Variants in LIPN observed in about 807,000 individuals in gnomAD.
The protein encoded by LIPN is lipase member N.
LIPN carries 32 observed loss-of-function variants against 43.7 expected under a neutral mutation model. The ratio of observed to expected loss-of-function variants is 0.73; its 90% CI spans 0.55 to 0.98. The LOEUF (loss-of-function observed/expected upper bound fraction) is 0.98. Ranked by LOEUF, LIPN falls within the 50% of genes least tolerant of loss-of-function variation. The pLI, the probability that LIPN is intolerant of heterozygous loss-of-function variation, is 0.00. For synonymous variants in LIPN, 156 were observed against 157.6 expected, an observed-to-expected ratio of 0.99 and a Z score of 0.08; for missense variants, 505 against 483.8, an observed-to-expected ratio of 1.04 and a Z score of -0.41.
Position 88,762,210 on chromosome 10 carries a change from G to C in LIPN, c.131G>C (p.Gly44Ala), listed in dbSNP as rs1375369840. 6 of 1,602,312 alleles carry C rather than the reference G, an allele frequency of 3.7e-6. No individual in the cohort carries two copies. The highest frequency in any genetic ancestry group is 1.3e-5 in the African/African-American group (1 of 74,638). ...CAGAGTGAAATCATCATCTACAATG[G>C]CTACCCCAGTGAAGAGTATGAAGTC... ...MNTSEIIIYN[G>A]YPSEEYEVTT... The change falls in exon 3 of 10, where the codon GGC (glycine) becomes GCC (alanine). Residue 44 changes from glycine (G) to alanine (A), a missense_variant. Physicochemically the swap from Gly to Ala is moderately conservative, Grantham distance 60 (BLOSUM62 0). Transcript: ENST00000404459.
At position 88,761,512 on chromosome 10, in the gene LIPN, C is replaced by T; in HGVS notation, c.107C>T (p.Thr36Ile). The T allele has an allele frequency of 6.3e-7, 1 of 1,599,274 alleles. No homozygotes were observed. Among genetic ancestry groups the T allele is most frequent in the Non-Finnish European group, 8.6e-7 (1 of 1,167,412 alleles). The change falls in exon 2 of 10, where the codon ACT (threonine) becomes ATT (isoleucine). Residue 36 changes from threonine (T) to isoleucine (I), a missense_variant and splice_region_variant. Thr to Ile is a moderately conservative substitution (Grantham distance 89). Transcript: ENST00000404459. ...NEVNPEVWMN[T>I]SEIIIYNGYP... ...GTGAATCCTGAGGTGTGGATGAATA[C>T]TGTAAGTCATGGAAAACTGTGAAGA...
intron 3 of LIPN, among the ~76,000 whole-genome samples, chr10:88,763,770 C>A (rs772638794): frequency 6.6e-6 from 1 of 151,976 alleles, no homozygotes; most frequent in Non-Finnish European, 1.5e-5. Flanking sequence ...GGACACTGAG[C>A]TGAGCATATT....
At chr10:88,760,146 A>G (rs1842974837) in intron 1 of LIPN, among the ~76,000 whole-genome samples, 40 bp downstream of exon 1, 1 of 152,114 alleles carries the variant, frequency 6.6e-6, no homozygotes, top group Non-Finnish European at 1.5e-5. Context: ...GCAGGTTGGA[A>G]GGTGCCAGTT....
intron 8 of LIPN, among the ~76,000 whole-genome samples, chr10:88,774,804 C>T (rs1379300146): frequency 1.3e-5 from 2 of 151,924 alleles, no homozygotes; most frequent in Non-Finnish European, 2.9e-5. Context: ...AAGAGGTAAA[C>T]TAGGGAAGCC....
rs1843099276 is a variant in LIPN at position 88,766,387 on chromosome 10, A to G, written c.535+9A>G. 6.7e-7 allele frequency: 1 copy of G among 1,488,818 alleles called. No homozygotes were observed. The highest frequency in any genetic ancestry group is 1.4e-5 in the African/African-American group (1 of 72,296). 92.2% of individuals were successfully genotyped at this position (1,488,818 alleles called of 1,614,324 possible). ...ACTTGGCACTACAATAGGTATGTTT[A>G]TGAGGGTCACTGTTAGGTGTGTTTT... is the stretch of plus-strand genomic sequence containing the variant. On this transcript the variant is annotated intron_variant, in intron 5 of 9. Transcript: ENST00000404459.
chr10:88,761,758 TC>T (rs1345842730), intron 2 of LIPN, among the ~76,000 whole-genome samples: 3,271 of 86,394 alleles, frequency 0.038, 51 homozygotes, highest in African/African-American at 0.11. Flanking sequence ...TATCTATCTA[TC>T]TATGTATCTA....
At chr10:88,775,070 T>A (rs750894146) in intron 8 of LIPN, 22 bp from the exon 9 acceptor site, 1 of 1,500,572 alleles carries the variant, frequency 6.7e-7, no homozygotes, top group South Asian at 1.2e-5. Context: ...ACTATTCTTT[T>A]TCTAAAAAAC....
At chr10:88,761,761 ATG>A (rs2134825086) in intron 2 of LIPN, among the ~76,000 whole-genome samples, 1 of 68,774 alleles carries the variant, frequency 1.5e-5, no homozygotes, top group Non-Finnish European at 2.6e-5. Context: ...CTATCTATCT[ATG>A]TATCTATCTA....
rs1564586827 is a variant in LIPN at position 88,778,150 on chromosome 10, C to T, written c.1105C>T (p.Pro369Ser). The change falls in exon 10 of 10, where the codon CCA (proline) becomes TCA (serine). Residue 369 changes from proline to serine, a missense_variant. By Grantham distance (74) the Pro-to-Ser change is moderately conservative. Coordinates refer to ENST00000404459, the MANE Select transcript of LIPN (RefSeq NM_001102469.2). ...GAGTCTTCATTACTTTAAGCTATTG[C>T]CAGATTGGAACCACTTTGATTTTGT... ...IKSLHYFKLL[P>S]DWNHFDFVWG... The T allele has an allele frequency of 1.9e-6, 3 of 1,613,356 alleles. No individual in the cohort carries two copies. The highest frequency in any genetic ancestry group is 2.7e-5 in the African/African-American group (2 of 74,900).
At chr10:88,766,162 C>T in intron 4 of LIPN, 107 bp from the exon 5 acceptor site, 1 of 664,704 alleles carries the variant, frequency 1.5e-6, no homozygotes, top group South Asian at 1.9e-5. Context: ...CACATTGAAT[C>T]TAAGTAAACA....
At position 88,774,477 on chromosome 10, in the gene LIPN, G is replaced by C. The variant is rs372693385; in HGVS notation, c.824G>C (p.Arg275Pro). 3 of 1,608,572 alleles carry C rather than the reference G, an allele frequency of 1.9e-6. No individual in the cohort carries two copies. Among genetic ancestry groups the C allele is most frequent in the Non-Finnish European group, 2.5e-6 (3 of 1,176,520 alleles). Residue 275 changes from arginine to proline, a missense_variant, in exon 8 of 10, where the codon CGA (arginine) becomes CCA (proline). Transcript: ENST00000404459. ...GSNKKNMNQS[R>P]MDVYMSHAPT... ...TATGAGTTTTATCTCCTTTAGAGTCGAATGGATGTGTATATGTCACATGCT... is the reference window on the plus strand; with the variant it reads ...TATGAGTTTTATCTCCTTTAGAGTCCAATGGATGTGTATATGTCACATGCT...
At chr10:88,765,441 C>T (rs531406349) in intron 4 of LIPN, among the ~76,000 whole-genome samples, 23 of 151,988 alleles carry the variant, frequency 1.5e-4, no homozygotes, top group African/African-American at 5.5e-4. Context: ...CAGGGGCAAG[C>T]ATCAGGAAAT....
intron 1 of LIPN, among the ~76,000 whole-genome samples, chr10:88,761,122 T>C (rs1842988856): frequency 6.6e-6 from 1 of 152,090 alleles, no homozygotes; most frequent in Non-Finnish European, 1.5e-5. Context: ...CTTAAAGCAA[T>C]TCAACCTTGA....
At chr10:88,764,365 C>G (rs1843052802) in intron 3 of LIPN, 45 bp from the exon 4 acceptor site, 12 of 1,441,446 alleles carry the variant, frequency 8.3e-6, no homozygotes, top group Non-Finnish European at 1.2e-5. Context: ...TTCTCTCTCT[C>G]TCTTTCTCTT....
At chr10:88,769,033 T>C in intron 6 of LIPN, 105 bp downstream of exon 6, 1 of 1,141,770 alleles carries the variant, frequency 8.8e-7, no homozygotes, top group Non-Finnish European at 1.3e-6. Context: ...TTAGATAAAA[T>C]CTATAGAACT....
intron 7 of LIPN, among the ~76,000 whole-genome samples, chr10:88,773,752 A>T (rs1240972400): frequency 6.6e-6 from 1 of 151,982 alleles, no homozygotes; most frequent in Non-Finnish European, 1.5e-5. Flanking sequence ...GTTAGACTGA[A>T]ACCCATAAGG....
intron 5 of LIPN, among the ~76,000 whole-genome samples, chr10:88,767,602 G>A (rs1303412531): frequency 8.7e-6 from 1 of 115,494 alleles, no homozygotes; most frequent in African/African-American, 3.3e-5. Flanking sequence ...AGTTGGTTTT[G>A]GAAAGTGGGT....
chr10:88,776,046 A>G (rs901814309), intron 9 of LIPN, among the ~76,000 whole-genome samples: 5 of 152,064 alleles, frequency 3.3e-5, no homozygotes, highest in Non-Finnish European at 7.4e-5. Context: ...ACATACAAGA[A>G]CATTACTAAT....
At chr10:88,773,031 G>A (rs1737059931) in intron 7 of LIPN, among the ~76,000 whole-genome samples, 1 of 151,790 alleles carries the variant, frequency 6.6e-6, no homozygotes, top group Admixed American at 6.6e-5. Context: ...GGTATTCCAT[G>A]TTCATGGATT....
Sources: gnomAD v4.1 joint callset for allele counts (sites outside exome capture counted in the v4.1 genomes callset) on GRCh38, gnomAD v4.1.1 for gene constraint, MANE v1.5 for transcripts, NCBI Gene and HGNC (gene_info 2026-07-23, HGNC 2026-07-21) for gene names.